IFT74: variants seen among roughly 807,000 people sequenced by gnomAD.
IFT74 encodes intraflagellar transport 74.
IFT74 carries 92 observed loss-of-function variants against 96.7 expected under a neutral mutation model. The observed-to-expected ratio is 0.95, with a 90% CI of 0.80 to 1.13. The LOEUF is 1.13. IFT74 is among the 50% of genes most tolerant of loss of function. The pLI, the probability that IFT74 is intolerant of heterozygous loss-of-function variation, is 0.00. For synonymous variants in IFT74, 223 were observed against 213.2 expected (o/e 1.05, Z -0.40); for missense variants, 811 against 698.2 (o/e 1.16, Z -1.82).
At chr9:27,020,564 T>C (rs923522540) in intron 12 of IFT74, among the ~76,000 whole-genome samples, 2 of 149,788 alleles carry the variant, frequency 1.3e-5, no homozygotes, top group Non-Finnish European at 3.0e-5. Context: ...AAGCTCCTCC[T>C]CCCAGGTTCA....
intron 13 of IFT74, among the ~76,000 whole-genome samples, chr9:27,030,106 G>A (rs904247903): frequency 1.3e-5 from 2 of 152,136 alleles, no homozygotes; most frequent in Non-Finnish European, 2.9e-5. Flanking sequence ...TCCCTAATAA[G>A]AAAGATAAAA....
intron 16 of IFT74, among the ~76,000 whole-genome samples, chr9:27,048,896 C>T (rs555898607): frequency 1.3e-5 from 2 of 152,044 alleles, no homozygotes; most frequent in Non-Finnish European, 2.9e-5. Flanking sequence ...TTTTTTGTCC[C>T]CTCCAAATTT....
At chr9:27,006,557 A>G (rs951186978) in intron 8 of IFT74, among the ~76,000 whole-genome samples, 10 of 151,596 alleles carry the variant, frequency 6.6e-5, no homozygotes, top group Non-Finnish European at 4.4e-5. Flanking sequence ...TGATTGTGCT[A>G]CCACAGTCTA....
At chr9:27,000,509 T>C (rs1039601813) in intron 8 of IFT74, among the ~76,000 whole-genome samples, 1 of 152,220 alleles carries the variant, frequency 6.6e-6, no homozygotes, top group Non-Finnish European at 1.5e-5. Flanking sequence ...AAAAATTTTA[T>C]TGAGGCGTGG....
chr9:26,984,693 A>G (rs192018448), intron 6 of IFT74, 134 bp downstream of exon 6: 1 of 629,578 alleles, frequency 1.6e-6, no homozygotes, highest in Non-Finnish European at 2.7e-6. Context: ...GCCAACAAGC[A>G]TATGAAAAGA....
chr9:26,957,940 A>G (rs1415008785), intron 1 of IFT74, among the ~76,000 whole-genome samples: 19 of 151,678 alleles, frequency 1.3e-4, no homozygotes, highest in Non-Finnish European at 2.6e-4. Context: ...TTTTTAGTAG[A>G]GATAGGGTTT....
chr9:27,013,864 T>C (rs1829223952), intron 10 of IFT74, among the ~76,000 whole-genome samples: 1 of 152,196 alleles, frequency 6.6e-6, no homozygotes, highest in South Asian at 2.1e-4. Flanking sequence ...AAGAAATGAG[T>C]ATTTTGTAAT....
intron 2 of IFT74, among the ~76,000 whole-genome samples, chr9:26,963,469 T>C (rs563119837): frequency 3.0e-4 from 45 of 150,690 alleles, no homozygotes; most frequent in African/African-American, 7.6e-4. Context: ...TTTGGGTATA[T>C]ACCCAGTAAT....
intron 18 of IFT74, 31 bp from the exon 19 acceptor site, chr9:27,060,560 C>G (rs769774305): frequency 6.9e-7 from 1 of 1,451,612 alleles, no homozygotes; most frequent in East Asian, 2.4e-5. Context: ...AAATATGGGT[C>G]CTAATTAATA....
intron 16 of IFT74, among the ~76,000 whole-genome samples, chr9:27,053,171 T>C (rs2131697673): frequency 6.9e-6 from 1 of 144,246 alleles, no homozygotes; most frequent in East Asian, 2.0e-4. Flanking sequence ...CTTTTTTTTT[T>C]TTTTTTTTTT....
intron 13 of IFT74, among the ~76,000 whole-genome samples, chr9:27,044,133 C>T (rs1248962512): frequency 1.3e-5 from 2 of 152,094 alleles, no homozygotes; most frequent in Non-Finnish European, 2.9e-5. Context: ...TTTATGCTAC[C>T]ATATTCATCC....
intron 6 of IFT74, 52 bp downstream of exon 6, chr9:26,984,611 ACTACTG>A: frequency 7.1e-7 from 1 of 1,400,112 alleles, no homozygotes; most frequent in Non-Finnish European, 1.0e-6. Flanking sequence ...ATTAGTTTTT[ACTACTG>A]CTTTAAAAAT....
rs1188780598 is a variant in IFT74 at position 26,984,499 on chromosome 9, G to A, written c.405G>A (p.Arg135=). The A allele has an allele frequency of 9.9e-6, 16 of 1,610,758 alleles. No homozygotes were observed. Among genetic ancestry groups the A allele is most frequent in the Admixed American group, 1.7e-5 (1 of 59,874 alleles). The change falls in exon 6 of 20, where the codon AGG becomes AGA. Residue 135 remains arginine (R), a splice_region_variant and synonymous_variant. Transcript: ENST00000380062. ...GAATGTATTTATTTTATGCTTTCAG[G>A]GCTGAGACTTTAGCTGTTGAGATAA... ...ENSVYLSYEK[R]AETLAVEIKE...
chr9:27,009,483 A>T (rs1828945216), intron 9 of IFT74, among the ~76,000 whole-genome samples: 1 of 152,196 alleles, frequency 6.6e-6, no homozygotes, highest in Non-Finnish European at 1.5e-5. Flanking sequence ...ATTTGCATTT[A>T]TAAAAGTACT....
chr9:26,949,897 T>C (rs767124952), intron 1 of IFT74, among the ~76,000 whole-genome samples: 3 of 152,144 alleles, frequency 2.0e-5, no homozygotes, highest in Non-Finnish European at 4.4e-5. Context: ...ATTTGAAAAA[T>C]ATCTCAAAGA....
intron 1 of IFT74, among the ~76,000 whole-genome samples, chr9:26,961,737 TAGAA>T (rs1294228754): frequency 3.9e-5 from 6 of 151,946 alleles, no homozygotes; most frequent in Non-Finnish European, 8.8e-5. Flanking sequence ...GGTAAGATAA[TAGAA>T]AGATGAGGAA....
Position 27,018,638 on chromosome 9 carries a change from C to A in IFT74, c.934-9C>A, listed in dbSNP as rs1231375023. The stretch of plus-strand genomic sequence containing the variant: ...TTTTAAATACTACTTTCTTTTTATG[C>A]CTTTGTAGATTAAAGATGATAATCA... On this transcript the variant is annotated splice_polypyrimidine_tract_variant and intron_variant, in intron 11 of 19. Coordinates refer to ENST00000380062, the MANE Select transcript of IFT74 (RefSeq NM_025103.4). 6.8e-6 allele frequency: 10 copies of A among 1,463,906 alleles called. No individual in the cohort carries two copies. Among genetic ancestry groups the A allele is most frequent in the Middle Eastern group, 3.5e-4 (2 of 5,648 alleles). 90.7% of individuals were successfully genotyped at this position (1,463,906 alleles called of 1,614,324 possible). A position where few individuals can be genotyped will look rare whatever the true frequency, so the allele number is the denominator to read the frequency against.
chr9:26,947,134 G>C, exon 1 of IFT74: 1 of 1,380,578 alleles, frequency 7.2e-7, no homozygotes, highest in South Asian at 1.6e-5. Flanking sequence ...CGCGGCGGGA[G>C]AAGAGCCTGC....
intron 12 of IFT74, among the ~76,000 whole-genome samples, chr9:27,019,610 T>C (rs1347716971): frequency 6.6e-6 from 1 of 151,344 alleles, no homozygotes; most frequent in Non-Finnish European, 1.5e-5. Context: ...ACATGCTTAG[T>C]ATTTTATTAA....
Sources: allele counts gnomAD v4.1 joint callset (sites outside exome capture counted in the v4.1 genomes callset), GRCh38; gene constraint gnomAD v4.1.1; transcripts MANE v1.5; gene names NCBI Gene and HGNC (gene_info 2026-07-23, HGNC 2026-07-21).